Variants in SREBF2 observed in about 807,000 individuals in gnomAD.
SREBF2 encodes sterol regulatory element binding transcription factor 2.
SREBF2 carries 55 observed loss-of-function variants against 113.1 expected under a neutral mutation model. The observed-to-expected ratio is 0.49, with a 90% CI of 0.39 to 0.61. The LOEUF is 0.61. Ranked by LOEUF, SREBF2 falls within the 20% of genes least tolerant of loss-of-function variation. The pLI is 0.00. For synonymous variants in SREBF2, 593 were observed against 605.7 expected, an observed-to-expected ratio of 0.98 and a Z score of 0.31; for missense variants, 1,349 against 1,487.4, an observed-to-expected ratio of 0.91 and a Z score of 1.53.
At chr22:41,866,578 G>A (rs1172944463) in intron 1 of SREBF2, among the ~76,000 whole-genome samples, 1 of 152,048 alleles carries the variant, frequency 6.6e-6, no homozygotes, top group African/African-American at 2.4e-5. Flanking sequence ...AAGAAAATGA[G>A]AGAAAGGGCC....
intron 1 of SREBF2, among the ~76,000 whole-genome samples, chr22:41,851,285 T>C (rs973567649): frequency 6.6e-6 from 1 of 152,200 alleles, no homozygotes; most frequent in Non-Finnish European, 1.5e-5. Context: ...ATATCAATAG[T>C]GCAACCACTG....
chr22:41,893,211 A>G lies in SREBF2; in HGVS notation c.2303A>G (p.Lys768Arg), dbSNP rs369842071. Residue 768 changes from lysine to arginine, a missense_variant, in exon 12 of 19, where the codon AAG (lysine) becomes AGG (arginine). By Grantham distance (26) the Lys-to-Arg change is conservative. This residue lies in a region of SREBF2 where 650 missense variants were observed against 644.1 expected (regional missense o/e 1.01). Coordinates refer to ENST00000361204, the MANE Select transcript of SREBF2 (RefSeq NM_004599.4). ...LRWLCHPLGQ[K>R]FFMERSWSVK... ...TGGCTCTGCCACCCCCTGGGCCAGA[A>G]GTTTTTCATGGAGCGGAGCTGGTCT... The G allele has an allele frequency of 1.9e-6, 3 of 1,614,024 alleles. No individual in the cohort carries two copies. The highest frequency in any genetic ancestry group is 2.2e-5 in the East Asian group (1 of 44,888).
At position 41,905,711 on chromosome 22, in the gene SREBF2, C is replaced by G. The variant is rs762059283; in HGVS notation, c.*51C>G. 2.0e-6 allele frequency: 3 copies of G among 1,518,402 alleles called. No individual in the cohort carries two copies. Among genetic ancestry groups the G allele is most frequent in the Admixed American group, 3.9e-5 (2 of 50,984 alleles). The allele number at this position is 1,518,402 out of a possible 1,614,324, so 94.1% of individuals were successfully genotyped here. ...CCTCTCTCTCGATTTCTCTCTCTCC[C>G]CCTCAGCATCTTCCCGCTGAGAGTG... On this transcript the variant is annotated 3_prime_UTR_variant, in exon 19 of 19. Transcript: ENST00000361204.
In SREBF2 at chr22:41,905,537, G is replaced by T. The variant is rs1368199539; in HGVS notation, c.3303G>T (p.Gln1101His). 1.9e-6 allele frequency: 3 copies of T among 1,589,002 alleles called. No homozygotes were observed. The highest frequency in any genetic ancestry group is 3.5e-5 in the Admixed American group (2 of 57,036). The change falls in exon 19 of 19, where the codon CAG (glutamine) becomes CAT (histidine). Residue 1101 changes from glutamine to histidine, a missense_variant. This residue lies in a region of SREBF2 where 650 missense variants were observed against 644.1 expected (regional missense o/e 1.01). Coordinates refer to ENST00000361204, the MANE Select transcript of SREBF2 (RefSeq NM_004599.4). ...LPLSFLSSPG[Q>H]RAVLLAEAAR... ...TCTCCTTCCTCTCCTCCCCGGGCCA[G>T]CGGGCAGTGCTGCTGGCCGAAGCTG...
chr22:41,889,058 C>G (rs970246342), intron 11 of SREBF2, among the ~76,000 whole-genome samples: 10 of 152,178 alleles, frequency 6.6e-5, no homozygotes, highest in African/African-American at 2.4e-4. Flanking sequence ...GATTCCCAAA[C>G]ATTCTCTACT....
At position 41,866,813 on chromosome 22, in the gene SREBF2, C is replaced by G; in HGVS notation, c.89-18C>G. 6.2e-7 allele frequency: 1 copy of G among 1,614,016 alleles called. No homozygotes were observed. The highest frequency in any genetic ancestry group is 8.5e-7 in the Non-Finnish European group (1 of 1,179,898). ...TTTTTGGATAGCAATAAAATTACTC[C>G]TTTTCTTTTGTTCACAGAGATGCTG... On this transcript the variant is annotated intron_variant, in intron 1 of 18. Transcript: ENST00000361204.
At chr22:41,891,717 G>A (rs913716827) in intron 11 of SREBF2, among the ~76,000 whole-genome samples, 49 of 152,298 alleles carry the variant, frequency 3.2e-4, no homozygotes, top group African/African-American at 1.2e-3. Flanking sequence ...CGATGTCTGC[G>A]GGCCTCGGCC....
chr22:41,856,043 C>G (rs1463907532), intron 1 of SREBF2, among the ~76,000 whole-genome samples: 6 of 152,172 alleles, frequency 3.9e-5, no homozygotes, highest in Non-Finnish European at 1.5e-5. Flanking sequence ...CTGCCTTAGC[C>G]TCCTGAGTAA....
rs1317941788 is a variant in SREBF2, at chr22:41,873,968, C to G, written c.1038C>G (p.Ile346Met). The G allele has an allele frequency of 6.2e-7, 1 of 1,614,044 alleles. No homozygotes were observed. The highest frequency in any genetic ancestry group is 8.5e-7 in the Non-Finnish European group (1 of 1,180,042). ...NIIEKRYRSS[I>M]NDKIIELKDL... The stretch of plus-strand genomic sequence containing the variant: ...TTGAGAAACGATATCGCTCCTCCAT[C>G]AATGACAAAATCATCGAATTGAAAG... The change falls in exon 5 of 19, where the codon ATC becomes ATG. Residue 346 changes from isoleucine (I) to methionine (M), a missense_variant. Physicochemically the swap from Ile to Met is conservative, Grantham distance 10. This residue lies in a region of SREBF2 where 699 missense variants were observed against 843.3 expected (regional missense o/e 0.83). Transcript: ENST00000361204.
At chr22:41,855,830 C>A (rs1266678571) in intron 1 of SREBF2, among the ~76,000 whole-genome samples, 1 of 151,248 alleles carries the variant, frequency 6.6e-6, no homozygotes, top group Non-Finnish European at 1.5e-5. Context: ...AGTCGTGGCT[C>A]ACTGCAGCCT....
intron 10 of SREBF2, among the ~76,000 whole-genome samples, chr22:41,884,407 G>A (rs1260045650): frequency 6.6e-6 from 1 of 152,226 alleles, no homozygotes; most frequent in Non-Finnish European, 1.5e-5. Context: ...AAAGTGCTGG[G>A]ATTACAGGTG....
intron 11 of SREBF2, among the ~76,000 whole-genome samples, chr22:41,892,647 CA>C (rs397967305): frequency 0.037 from 2,835 of 76,888 alleles, 68 homozygotes; most frequent in African/African-American, 0.11. Context: ...AACTCCGTCT[CA>C]AAAAAAAAAA....
chr22:41,893,178 C>T lies in SREBF2; in HGVS notation c.2270C>T (p.Ser757Phe), dbSNP rs768088941. The T allele has an allele frequency of 6.2e-7, 1 of 1,614,184 alleles. No individual in the cohort carries two copies. Among genetic ancestry groups the T allele is most frequent in the South Asian group, 1.1e-5 (1 of 91,088 alleles). ...CGPEHSAVPD[S>F]LRWLCHPLGQ... Reference sequence around the variant, plus strand: ...CCCGAGCACAGTGCTGTTCCTGACTCCCTGCGCTGGCTCTGCCACCCCCTG... The same window carrying T: ...CCCGAGCACAGTGCTGTTCCTGACTTCCTGCGCTGGCTCTGCCACCCCCTG... Residue 757 changes from serine to phenylalanine, a missense_variant, in exon 12 of 19, where the codon TCC becomes TTC. By Grantham distance (155) the Ser-to-Phe change is radical. Coordinates refer to ENST00000361204, the MANE Select transcript of SREBF2 (RefSeq NM_004599.4).
chr22:41,897,522 G>T (rs2148416421), intron 14 of SREBF2, among the ~76,000 whole-genome samples: 1 of 152,286 alleles, frequency 6.6e-6, no homozygotes, highest in East Asian at 1.9e-4. Flanking sequence ...CAGCTCTTGG[G>T]CCTTATGCTC....
At chr22:41,865,753 G>A (rs2077069037) in intron 1 of SREBF2, among the ~76,000 whole-genome samples, 2 of 152,182 alleles carry the variant, frequency 1.3e-5, no homozygotes, top group African/African-American at 2.4e-5. Flanking sequence ...GGTGGGGCAG[G>A]CTTGCTGTGT....
intron 1 of SREBF2, among the ~76,000 whole-genome samples, chr22:41,843,599 TTTTC>T (rs1188215192): frequency 6.6e-6 from 1 of 152,198 alleles, no homozygotes. Flanking sequence ...ACCCATGTAT[TTTTC>T]CTCTGTCCCA....
intron 1 of SREBF2, among the ~76,000 whole-genome samples, chr22:41,842,430 T>C (rs1321818740): frequency 6.6e-6 from 1 of 152,262 alleles, no homozygotes; most frequent in Non-Finnish European, 1.5e-5. Context: ...ATGTATCTTA[T>C]AGATCATCCC....
At chr22:41,864,352 G>T (rs1301334025) in intron 1 of SREBF2, among the ~76,000 whole-genome samples, 2 of 117,022 alleles carry the variant, frequency 1.7e-5, no homozygotes, top group South Asian at 2.7e-4. Flanking sequence ...ACTGAGTCTC[G>T]CTCTGTTGCC....
Position 41,839,067 on chromosome 22 carries a change from G to A in SREBF2, c.88+5709G>A, listed in dbSNP as rs562455945. Among the ~76,000 whole-genome samples, 3 of 152,280 alleles carry A rather than the reference G, an allele frequency of 2.0e-5. No homozygotes were observed. In the East Asian group the frequency reaches 5.8e-4, roughly 29 times the overall value. ...ATTGGGAAGGTTGGAGTGGCCAACT[G>A]GGTGAGCAAGGAGTGAGTGTTGGGG... On this transcript the variant is annotated intron_variant, in intron 1 of 18. Coordinates refer to ENST00000361204, the MANE Select transcript of SREBF2 (RefSeq NM_004599.4).
Sources: allele counts gnomAD v4.1 joint callset (sites outside exome capture counted in the v4.1 genomes callset), GRCh38; gene constraint gnomAD v4.1.1; regional missense constraint gnomAD v4.1.1; transcripts MANE v1.5; gene names NCBI Gene and HGNC (gene_info 2026-07-23, HGNC 2026-07-21).